GALNT14: variants seen among roughly 807,000 people sequenced by gnomAD.
GALNT14 encodes UDP-GalNAc:polypeptide N-acetylgalactosaminyltransferase 14.
Under a neutral mutation model 77.5 loss-of-function variants are expected in GALNT14, and 60 were observed. The ratio of observed to expected loss-of-function variants is 0.77; its 90% CI spans 0.63 to 0.96. GALNT14 has a LOEUF of 0.96. GALNT14 is among the 40% of genes least tolerant of loss of function. GALNT14 has a pLI of 0.00. For synonymous variants in GALNT14, 280 were observed against 281.7 expected (o/e 0.99, Z 0.06); for missense variants, 710 against 731.0 (o/e 0.97, Z 0.33).
intron 3 of GALNT14, among the ~76,000 whole-genome samples, chr2:30,960,700 G>A (rs1667642981): frequency 6.6e-6 from 1 of 152,086 alleles, no homozygotes; most frequent in South Asian, 2.1e-4. Context: ...GCCTGGCCTA[G>A]GTGGTCCTCC....
At chr2:31,087,680 G>A (rs1386593943) in intron 1 of GALNT14, among the ~76,000 whole-genome samples, 2 of 151,824 alleles carry the variant, frequency 1.3e-5, no homozygotes, top group African/African-American at 4.8e-5. Flanking sequence ...CAAGAAGGAG[G>A]GAGCAGCCAA....
intron 2 of GALNT14, among the ~76,000 whole-genome samples, chr2:30,981,942 T>C (rs1047382055): frequency 4.6e-5 from 7 of 152,280 alleles, no homozygotes; most frequent in Admixed American, 4.6e-4. Context: ...TACTTTATCA[T>C]GCTGCCTCAC....
intron 2 of GALNT14, among the ~76,000 whole-genome samples, chr2:30,984,860 G>T (rs1029377446): frequency 1.3e-5 from 2 of 152,156 alleles, no homozygotes; most frequent in African/African-American, 4.8e-5. Flanking sequence ...CCTGTGCTGT[G>T]CTGCATGGCT....
the GALNT14 span, among the ~76,000 whole-genome samples, chr2:30,899,895 G>T: frequency 6.6e-6 from 1 of 152,140 alleles, no homozygotes; most frequent in Non-Finnish European, 1.5e-5. Flanking sequence ...CACGTGGGGC[G>T]TCGCAGAGGT....
At chr2:30,962,512 C>T (rs916436777) in intron 3 of GALNT14, among the ~76,000 whole-genome samples, 4 of 152,248 alleles carry the variant, frequency 2.6e-5, no homozygotes. Context: ...GGTGACAGCG[C>T]TGGGTCTCCC....
intron 1 of GALNT14, among the ~76,000 whole-genome samples, chr2:31,130,480 AG>A (rs1490418235): frequency 6.6e-6 from 1 of 152,108 alleles, no homozygotes; most frequent in Non-Finnish European, 1.5e-5. Flanking sequence ...TGTGAAGGGG[AG>A]GATGGAGCAT....
At chr2:30,904,738 A>G in the GALNT14 span, among the ~76,000 whole-genome samples, 1 of 152,256 alleles carries the variant, frequency 6.6e-6, no homozygotes, top group African/African-American at 2.4e-5. Context: ...CTGCCTCTGT[A>G]GGCTCCACCT....
chr2:30,888,732 AAGG>A, the GALNT14 span, among the ~76,000 whole-genome samples: 11 of 152,240 alleles, frequency 7.2e-5, no homozygotes, highest in Non-Finnish European at 1.5e-4. Context: ...ACAAGGAAAG[AAGG>A]AGAAGAGGAG....
intron 11 of GALNT14, among the ~76,000 whole-genome samples, chr2:30,926,118 C>G (rs1665361780): frequency 6.6e-6 from 1 of 152,218 alleles, no homozygotes; most frequent in Admixed American, 6.5e-5. Context: ...CCAACCACAG[C>G]TCATCACCAG....
chr2:31,032,175 TG>T (rs1672456856), intron 1 of GALNT14, among the ~76,000 whole-genome samples: 2 of 152,224 alleles, frequency 1.3e-5, no homozygotes, highest in South Asian at 4.1e-4. Context: ...GCCAGGGGCC[TG>T]GGGCAAAGCC....
chr2:30,889,627 C>A, the GALNT14 span, among the ~76,000 whole-genome samples: 1 of 152,236 alleles, frequency 6.6e-6, no homozygotes, highest in South Asian at 2.1e-4. Context: ...CACTGAGGTG[C>A]AGGTTATGCC....
intron 9 of GALNT14, among the ~76,000 whole-genome samples, chr2:30,935,931 A>G (rs1325283195): frequency 2.0e-5 from 3 of 152,174 alleles, no homozygotes; most frequent in South Asian, 4.1e-4. Context: ...CTGCACAGTC[A>G]TCATTTCTGA....
At chr2:30,902,863 C>T in the GALNT14 span, among the ~76,000 whole-genome samples, 2 of 152,168 alleles carry the variant, frequency 1.3e-5, no homozygotes, top group Non-Finnish European at 2.9e-5. Flanking sequence ...CTTATATTTA[C>T]TTTAGTGCAG....
At chr2:30,902,277 A>G in the GALNT14 span, among the ~76,000 whole-genome samples, 1 of 152,066 alleles carries the variant, frequency 6.6e-6, no homozygotes, top group Non-Finnish European at 1.5e-5. Flanking sequence ...TGGCTGCATC[A>G]CCCTCAGGTT....
At chr2:30,937,451 T>A (rs1666122840) in intron 9 of GALNT14, among the ~76,000 whole-genome samples, 1 of 152,164 alleles carries the variant, frequency 6.6e-6, no homozygotes, top group Admixed American at 6.5e-5. Context: ...TGAAGATGAA[T>A]CCACTTTCAA....
At chr2:30,892,540 T>C in the GALNT14 span, among the ~76,000 whole-genome samples, 1 of 152,246 alleles carries the variant, frequency 6.6e-6, no homozygotes. Flanking sequence ...CTCAGGAGAA[T>C]AGCACTGACT....
chr2:30,929,904 T>C (rs1377679641), intron 10 of GALNT14, among the ~76,000 whole-genome samples: 1 of 152,214 alleles, frequency 6.6e-6, no homozygotes, highest in Non-Finnish European at 1.5e-5. Flanking sequence ...ATTTTTCCCT[T>C]GGGGATGCTG....
At chr2:30,944,214 G>T (rs548559656) in intron 8 of GALNT14, among the ~76,000 whole-genome samples, 1 of 152,168 alleles carries the variant, frequency 6.6e-6, no homozygotes, top group Admixed American at 6.5e-5. Context: ...AGGCTCCTCT[G>T]TGTGGTGACC....
intron 1 of GALNT14, among the ~76,000 whole-genome samples, chr2:31,118,226 G>C (rs938846820): frequency 6.6e-6 from 1 of 152,014 alleles, no homozygotes; most frequent in East Asian, 1.9e-4. Context: ...ATAAATCGGC[G>C]AAAGTTATTT....
Sources: allele counts gnomAD v4.1 joint callset (sites outside exome capture counted in the v4.1 genomes callset), GRCh38; gene constraint gnomAD v4.1.1; transcripts MANE v1.5; gene names NCBI Gene and HGNC (gene_info 2026-07-23, HGNC 2026-07-21).